Variants in CHST13 observed in about 807,000 individuals in gnomAD.
The protein encoded by CHST13 is carbohydrate sulfotransferase 13.
CHST13 carries 1 observed loss-of-function variant against 7.0 expected under a neutral mutation model. The ratio of observed to expected loss-of-function variants is 0.14; its 90% CI spans 0.05 to 0.68. CHST13 has a LOEUF of 0.68. CHST13 is among the 30% of genes least tolerant of loss of function. The pLI, the probability that CHST13 is intolerant of heterozygous loss-of-function variation, is 0.82. For missense variants in CHST13, 572 were observed against 507.9 expected (o/e 1.13, Z -1.21); for synonymous variants, 257 against 240.9 (o/e 1.07, Z -0.62).
At chr3:126,530,619 G>T (rs1936637611) in intron 1 of CHST13, among the ~76,000 whole-genome samples, 1 of 152,234 alleles carries the variant, frequency 6.6e-6, no homozygotes, top group Non-Finnish European at 1.5e-5. Context: ...GCCTGGTGTG[G>T]CACCAGCGGA....
chr3:126,529,831 G>T (rs540108181), intron 1 of CHST13, among the ~76,000 whole-genome samples: 2 of 152,078 alleles, frequency 1.3e-5, no homozygotes, highest in African/African-American at 4.8e-5. Flanking sequence ...CTTTTTCTAA[G>T]CAGTCACCGC....
chr3:126,533,579 G>A (rs1376614924), intron 1 of CHST13, among the ~76,000 whole-genome samples: 1 of 152,056 alleles, frequency 6.6e-6, no homozygotes, highest in Non-Finnish European at 1.5e-5. Flanking sequence ...CATCCTACTT[G>A]GTCATGGTGT....
chr3:126,538,007 C>T (rs1246564923), intron 2 of CHST13, among the ~76,000 whole-genome samples: 4 of 152,208 alleles, frequency 2.6e-5, no homozygotes, highest in Admixed American at 2.6e-4. Context: ...GACATAGGTC[C>T]AGCTTTAGAG....
chr3:126,542,169 A>C lies in CHST13; in HGVS notation c.617A>C (p.Gln206Pro). 1.3e-6 allele frequency: 2 copies of C among 1,483,710 alleles called. No homozygotes were observed. The highest frequency in any genetic ancestry group is 1.8e-6 in the Non-Finnish European group (2 of 1,125,116). 91.9% of individuals were successfully genotyped at this position (1,483,710 alleles called of 1,614,324 possible). Residue 206 changes from glutamine (Q) to proline (P), a missense_variant, in exon 3 of 3, where the codon CAG (glutamine) becomes CCG (proline). Transcript: ENST00000319340. The stretch of plus-strand genomic sequence containing the variant: ...AGGCGCTACGGTGCACGCATCGTTC[A>C]GCGCCTGCGGCCGCGCGCGCTCCCC... Reference protein sequence around the residue: ...FQRRYGARIVQRLRPRALPDA... With the variant: ...FQRRYGARIVPRLRPRALPDA...
At chr3:126,533,182 CAA>C (rs1054516209) in intron 1 of CHST13, among the ~76,000 whole-genome samples, 3 of 152,064 alleles carry the variant, frequency 2.0e-5, no homozygotes, top group African/African-American at 4.8e-5. Context: ...TATGAATAGA[CAA>C]AGTTTTACTT....
At chr3:126,531,132 T>A (rs1368941662) in intron 1 of CHST13, among the ~76,000 whole-genome samples, 3 of 152,274 alleles carry the variant, frequency 2.0e-5, no homozygotes, top group Non-Finnish European at 4.4e-5. Flanking sequence ...GCAGCTGGTG[T>A]CAAAGCACGC....
intron 1 of CHST13, 21 bp downstream of exon 1, chr3:126,524,450 C>G: frequency 6.4e-6 from 6 of 938,768 alleles, no homozygotes; most frequent in Non-Finnish European, 8.3e-6. Flanking sequence ...GCCGGCCGAG[C>G]CGCGCACCCC....
rs1247227108 is a variant in CHST13 at position 126,542,605 on chromosome 3, G to A, written c.*27G>A. The A allele has an allele frequency of 2.1e-6, 3 of 1,447,116 alleles. No individual in the cohort carries two copies. The highest frequency in any genetic ancestry group is 3.0e-5 in the African/African-American group (2 of 66,934). 89.6% of individuals were successfully genotyped at this position (1,447,116 alleles called of 1,614,324 possible). A position where few individuals can be genotyped will look rare whatever the true frequency, so the allele number is the denominator to read the frequency against. On this transcript the variant is annotated 3_prime_UTR_variant, in exon 3 of 3. Transcript: ENST00000319340. ...GGTCCTGGAGGTCCTGTGGCCACGC[G>A]GGGCAAGTGCCTTTCCGACAAGACC...
At chr3:126,536,541 G>A (rs1473666332) in intron 2 of CHST13, among the ~76,000 whole-genome samples, 188 bp downstream of exon 2, 2 of 152,072 alleles carry the variant, frequency 1.3e-5, no homozygotes, top group African/African-American at 2.4e-5. Context: ...TGAGAGACCT[G>A]GAGTCTCTAC....
intron 2 of CHST13, among the ~76,000 whole-genome samples, chr3:126,538,603 AT>A (rs1936853351): frequency 6.6e-6 from 1 of 152,372 alleles, no homozygotes; most frequent in Non-Finnish European, 1.5e-5. Flanking sequence ...GATGGCCAAC[AT>A]TCCCTGCCAC....
chr3:126,530,256 C>A (rs1353883256), intron 1 of CHST13, among the ~76,000 whole-genome samples: 2 of 152,260 alleles, frequency 1.3e-5, no homozygotes, highest in African/African-American at 2.4e-5. Flanking sequence ...TATTCTGAGC[C>A]TCTCTCTGGT....
At position 126,542,213 on chromosome 3, in the gene CHST13, C is replaced by T. The variant is rs766907791; in HGVS notation, c.661C>T (p.His221Tyr). The T allele has an allele frequency of 2.3e-5, 33 of 1,461,010 alleles. No individual in the cohort carries two copies. Among genetic ancestry groups the T allele is most frequent in the Non-Finnish European group, 2.9e-5 (32 of 1,114,632 alleles). 90.5% of individuals were successfully genotyped at this position (1,461,010 alleles called of 1,614,324 possible). A position where few individuals can be genotyped will look rare whatever the true frequency, so the allele number is the denominator to read the frequency against. Residue 221 changes from histidine to tyrosine, a missense_variant, in exon 3 of 3, where the codon CAC (histidine) becomes TAC (tyrosine). His to Tyr is a moderately conservative substitution (Grantham distance 83). Transcript: ENST00000319340. ...RALPDARARGHDVRFAEFLAY... is the reference protein window; with the variant it reads ...RALPDARARGYDVRFAEFLAY... Reference sequence around the variant, plus strand: ...GCTCCCCGACGCCCGGGCCCGCGGCCACGACGTGCGCTTCGCGGAGTTCCT... The same window carrying T: ...GCTCCCCGACGCCCGGGCCCGCGGCTACGACGTGCGCTTCGCGGAGTTCCT...
In CHST13 at chr3:126,529,841, C is replaced by T. The variant is rs541028776; in HGVS notation, c.97+5412C>T. On this transcript the variant is annotated intron_variant, in intron 1 of 2. Transcript: ENST00000319340. ...GTTTCCTTTTTCTAAGCAGTCACCG[C>T]GTGGCTTTCCCTGTGCTGCTCTGGG... is the stretch of plus-strand genomic sequence containing the variant. 3.3e-5 allele frequency among the ~76,000 whole-genome samples: 5 copies of T among 152,336 alleles called. No homozygotes were observed. In the South Asian group the frequency reaches 8.3e-4, roughly 25 times the overall value.
Position 126,541,944 on chromosome 3 carries a change from C to T in CHST13, c.392C>T (p.Ala131Val), listed in dbSNP as rs1936967075. 1 of 1,585,446 alleles carries T rather than the reference C, an allele frequency of 6.3e-7. No individual in the cohort carries two copies. The highest frequency in any genetic ancestry group is 8.6e-7 in the Non-Finnish European group (1 of 1,167,180). Residue 131 changes from alanine to valine, a missense_variant, in exon 3 of 3, where the codon GCC becomes GTC. Physicochemically the swap from Ala to Val is moderately conservative, Grantham distance 64. Coordinates refer to ENST00000319340, the MANE Select transcript of CHST13 (RefSeq NM_152889.3). The part of the protein sequence containing the change: ...KRVLLALSGQ[A>V]RGDPRAISAQ... ...GTGCTGCTGGCGCTGAGCGGCCAAG[C>T]CCGCGGCGACCCGCGCGCCATCTCC...
chr3:126,535,391 C>CA (rs1387312415), intron 1 of CHST13, among the ~76,000 whole-genome samples: 1 of 147,748 alleles, frequency 6.8e-6, no homozygotes, highest in Non-Finnish European at 1.5e-5. Context: ...AGCTGGTAGA[C>CA]AGACAGACAG....
intron 1 of CHST13, among the ~76,000 whole-genome samples, chr3:126,525,573 A>C (rs1021026362): frequency 4.6e-5 from 7 of 152,012 alleles, no homozygotes; most frequent in Non-Finnish European, 8.8e-5. Flanking sequence ...TGAGCAGACA[A>C]TCTCCTGGCA....
In CHST13 at chr3:126,542,552, G is replaced by C. The variant is rs564359850; in HGVS notation, c.1000G>C (p.Ala334Pro). The C allele has an allele frequency of 1.3e-6, 2 of 1,514,112 alleles. No individual in the cohort carries two copies. Among genetic ancestry groups the C allele is most frequent in the East Asian group, 2.6e-5 (1 of 39,120 alleles). 93.8% of individuals were successfully genotyped at this position (1,514,112 alleles called of 1,614,324 possible). ...GGACTTCCTGCTTTTCAACTACTCC[G>C]CCCCCTCCTACCTGCGGCTGCTCTA... ...KMDFLLFNYS[A>P]PSYLRLL Residue 334 changes from alanine to proline, a missense_variant, in exon 3 of 3, where the codon GCC becomes CCC. Physicochemically the swap from Ala to Pro is conservative, Grantham distance 27. Transcript: ENST00000319340.
intron 1 of CHST13, among the ~76,000 whole-genome samples, chr3:126,524,635 T>TA (rs1380010459): frequency 6.6e-6 from 1 of 152,222 alleles, no homozygotes; most frequent in Non-Finnish European, 1.5e-5. Flanking sequence ...CCTCCGGAGT[T>TA]ACCTCCCCAC....
intron 1 of CHST13, 67 bp downstream of exon 1, chr3:126,524,496 C>A: frequency 1.9e-6 from 1 of 527,898 alleles, no homozygotes; most frequent in Non-Finnish European, 2.9e-6. Flanking sequence ...TCCACCGCGG[C>A]CTGACCCCTC....
Sources: allele counts gnomAD v4.1 joint callset (sites outside exome capture counted in the v4.1 genomes callset), GRCh38; gene constraint gnomAD v4.1.1; transcripts MANE v1.5; gene names NCBI Gene and HGNC (gene_info 2026-07-23, HGNC 2026-07-21).